Variants in TAFA4 observed in about 807,000 individuals in gnomAD.
TAFA4 encodes the protein TAFA chemokine like family member 4.
A neutral mutation model predicts 21.1 loss-of-function variants in TAFA4; 20 were observed. That is an observed-to-expected ratio of 0.95 (90% CI 0.67 to 1.38). The LOEUF is 1.38. TAFA4 is among the 40% of genes most tolerant of loss of function. The probability of loss-of-function intolerance (pLI) is 0.00; values close to 1 mark genes in which losing one functional copy is unlikely to be tolerated. For missense variants in TAFA4, 211 were observed against 180.9 expected (o/e 1.17, Z -0.95); for synonymous variants, 71 against 67.4 (o/e 1.05, Z -0.26).
intron 3 of TAFA4, among the ~76,000 whole-genome samples, chr3:68,773,586 T>G (rs556035621): frequency 3.7e-4 from 57 of 152,286 alleles, no homozygotes; most frequent in Non-Finnish European, 6.9e-4. Flanking sequence ...TCTGATGACC[T>G]GCCCCCACCT....
chr3:68,872,555 C>A (rs2089495440), intron 3 of TAFA4, among the ~76,000 whole-genome samples: 1 of 152,032 alleles, frequency 6.6e-6, no homozygotes, highest in Non-Finnish European at 1.5e-5. Context: ...AGAGGAATCA[C>A]AATATTCCCA....
At chr3:68,749,904 C>T (rs1483839779) in intron 4 of TAFA4, among the ~76,000 whole-genome samples, 1 of 152,240 alleles carries the variant, frequency 6.6e-6, no homozygotes, top group East Asian at 1.9e-4. Context: ...ACTAGCCACA[C>T]TGGACATATA....
chr3:68,903,940 C>T (rs1466574507), intron 1 of TAFA4, among the ~76,000 whole-genome samples: 2 of 152,004 alleles, frequency 1.3e-5, no homozygotes, highest in East Asian at 3.9e-4. Flanking sequence ...TGAGCCTAAC[C>T]TATAACCCAT....
chr3:68,862,341 A>T (rs536149529), intron 3 of TAFA4, among the ~76,000 whole-genome samples: 9 of 152,276 alleles, frequency 5.9e-5, no homozygotes, highest in African/African-American at 2.2e-4. Flanking sequence ...TTACATTAAA[A>T]CACTCCAAGT....
rs1379541386 is a variant in TAFA4 at position 68,732,543 on chromosome 3, AT to A, written c.*598del. On this transcript the variant is annotated 3_prime_UTR_variant, in exon 6 of 6. Transcript: ENST00000295569. ...CTGGAAAATGGAAAGCAAAAAAAAA[AT>A]AGAAGTAAAAATACAATGCACACAC... 6.6e-6 allele frequency: 1 copy of A among 152,632 alleles called. No individual in the cohort carries two copies. Among genetic ancestry groups the A allele is most frequent in the Non-Finnish European group, 1.5e-5 (1 of 68,040 alleles). The allele number at this position is 152,632 out of a possible 1,614,324, so 9.5% of individuals were successfully genotyped here. A position where few individuals can be genotyped will look rare whatever the true frequency, so the allele number is the denominator to read the frequency against.
chr3:68,785,545 G>A (rs181026745), intron 3 of TAFA4, among the ~76,000 whole-genome samples: 308 of 152,324 alleles, frequency 2.0e-3, no homozygotes, highest in Middle Eastern at 0.01. Context: ...GCCCAGGGCC[G>A]GCCGGCCGCT....
rs1704044230 is a variant in TAFA4 at position 68,818,706 on chromosome 3, G to A, written c.130+62024C>T. Among the ~76,000 whole-genome samples the A allele has an allele frequency of 2.6e-5, 4 of 152,134 alleles. No homozygotes were observed. In the South Asian group the frequency reaches 8.3e-4, roughly 32 times the overall value. ...GATGGGAGAACGGCTGGTCAGTGGAGTAATCAGAAAACACACAATACTCAT... is the reference window on the plus strand; with the variant it reads ...GATGGGAGAACGGCTGGTCAGTGGAATAATCAGAAAACACACAATACTCAT... On this transcript the variant is annotated intron_variant, in intron 3 of 5. Transcript: ENST00000295569.
chr3:68,841,420 T>C (rs1704664089), intron 3 of TAFA4, among the ~76,000 whole-genome samples: 1 of 152,178 alleles, frequency 6.6e-6, no homozygotes, highest in Non-Finnish European at 1.5e-5. Flanking sequence ...TGGCTGGCAC[T>C]GTTCTTACCT....
Position 68,777,045 on chromosome 3 carries a change from C to T in TAFA4, c.131-24027G>A, listed in dbSNP as rs977485950. Among the ~76,000 whole-genome samples the T allele has an allele frequency of 5.9e-5, 9 of 152,118 alleles. No homozygotes were observed. The East Asian group carries it at 1.5e-3, about 26-fold the overall frequency. On this transcript the variant is annotated intron_variant, in intron 3 of 5. Transcript: ENST00000295569. ...TCAGCACAATAAGAAATAATAAAGACATTTCTTCAGGCAGAGCAGAAGGAA... is the reference window on the plus strand; with the variant it reads ...TCAGCACAATAAGAAATAATAAAGATATTTCTTCAGGCAGAGCAGAAGGAA...
intron 5 of TAFA4, among the ~76,000 whole-genome samples, chr3:68,738,527 A>C (rs1702285341): frequency 1.3e-5 from 2 of 152,184 alleles, no homozygotes; most frequent in Admixed American, 1.3e-4. Context: ...AAAGTTGGGT[A>C]GTAAAAATCC....
chr3:68,922,769 G>A (rs959012380), intron 1 of TAFA4, among the ~76,000 whole-genome samples: 2 of 152,254 alleles, frequency 1.3e-5, no homozygotes, highest in South Asian at 4.1e-4. Context: ...CAGTCTTGAG[G>A]AATTTTTTCC....
chr3:68,901,680 C>T (rs1237890583), intron 1 of TAFA4, among the ~76,000 whole-genome samples: 2 of 152,176 alleles, frequency 1.3e-5, no homozygotes, highest in Admixed American at 6.5e-5. Flanking sequence ...ATTTCTACTA[C>T]TGCAGAAAGT....
chr3:68,867,510 T>A (rs1184586954), intron 3 of TAFA4, among the ~76,000 whole-genome samples: 1 of 152,066 alleles, frequency 6.6e-6, no homozygotes, highest in Non-Finnish European at 1.5e-5. Flanking sequence ...ACTGCTAAAG[T>A]AAGTACACAG....
chr3:68,733,960 C>G (rs957041351), intron 5 of TAFA4, among the ~76,000 whole-genome samples: 1 of 151,796 alleles, frequency 6.6e-6, no homozygotes, highest in South Asian at 2.1e-4. Context: ...AACAAAAACC[C>G]TGCCCCCATG....
chr3:68,908,851 C>A (rs1398518567), intron 1 of TAFA4, among the ~76,000 whole-genome samples: 1 of 152,176 alleles, frequency 6.6e-6, no homozygotes, highest in Non-Finnish European at 1.5e-5. Flanking sequence ...TTTTTCAGTT[C>A]CATTTAATAA....
intron 3 of TAFA4, among the ~76,000 whole-genome samples, chr3:68,810,691 G>T (rs1166325990): frequency 6.6e-6 from 1 of 152,178 alleles, no homozygotes; most frequent in African/African-American, 2.4e-5. Flanking sequence ...GAACTGGGTG[G>T]AGCCCACCGC....
chr3:68,816,253 C>T (rs980863158), intron 3 of TAFA4, among the ~76,000 whole-genome samples: 1 of 152,094 alleles, frequency 6.6e-6, no homozygotes, highest in Admixed American at 6.6e-5. Context: ...CAACATGGCA[C>T]ATGTATACAT....
intron 3 of TAFA4, among the ~76,000 whole-genome samples, chr3:68,755,188 CT>C (rs1702638365): frequency 6.6e-6 from 1 of 152,192 alleles, no homozygotes; most frequent in African/African-American, 2.4e-5. Context: ...CACCAACCAC[CT>C]GAATTCCATC....
chr3:68,803,653 A>T (rs1703622747), intron 3 of TAFA4, among the ~76,000 whole-genome samples: 1 of 150,128 alleles, frequency 6.7e-6, no homozygotes, highest in Non-Finnish European at 1.5e-5. Flanking sequence ...TTCCTCTCTG[A>T]CCCTGTGTTT....
Sources: allele counts gnomAD v4.1 joint callset (sites outside exome capture counted in the v4.1 genomes callset), GRCh38; gene constraint gnomAD v4.1.1; transcripts MANE v1.5; gene names NCBI Gene and HGNC (gene_info 2026-07-23, HGNC 2026-07-21).